The following E2F5 variants were observed in gnomAD, a reference collection of about 807,000 sequenced individuals.
E2F5 encodes the protein E2F transcription factor 5, also known as transcription factor E2F5.
In E2F5, 23 loss-of-function variants were observed where a neutral mutation model predicts 39.1. The observed-to-expected ratio is 0.59, with a 90% CI of 0.42 to 0.83. The LOEUF (loss-of-function observed/expected upper bound fraction) is 0.83, where lower values mean the gene tolerates loss of function less well. Ranked by LOEUF, E2F5 falls within the 40% of genes least tolerant of loss-of-function variation. E2F5 has a pLI of 0.00. For missense variants in E2F5, 365 were observed against 406.7 expected (o/e 0.90, Z 0.88); for synonymous variants, 145 against 157.8 (o/e 0.92, Z 0.61).
chr8:85,207,621 T>A (rs1299416430), intron 5 of E2F5, 132 bp downstream of exon 5: 1 of 616,990 alleles, frequency 1.6e-6, no homozygotes, highest in Non-Finnish European at 2.7e-6. Context: ...TCTAAAAGTA[T>A]TGATAGCTGA....
At chr8:85,184,687 T>C (rs1232680677) in intron 1 of E2F5, among the ~76,000 whole-genome samples, 2 of 152,208 alleles carry the variant, frequency 1.3e-5, no homozygotes, top group Non-Finnish European at 2.9e-5. Flanking sequence ...ACAAAATCAA[T>C]GTGCAAAAAT....
Position 85,203,096 on chromosome 8 carries a change from G to C in E2F5, c.347G>C (p.Gly116Ala). The C allele has an allele frequency of 1.3e-6, 2 of 1,527,212 alleles. No homozygotes were observed. Among genetic ancestry groups the C allele is most frequent in the Middle Eastern group, 1.8e-4 (1 of 5,690 alleles). 94.6% of individuals were successfully genotyped at this position (1,527,212 alleles called of 1,614,324 possible). ...ATTAATTCTCATATGTTTTTAAGAG[G>C]TGTAGGTGCTGGCTGTAATACTAAA... ...KKSKNSIQWK[G>A]VGAGCNTKEV... Residue 116 changes from glycine to alanine, a missense_variant and splice_region_variant, in exon 3 of 8, where the codon GGT (glycine) becomes GCT (alanine). Transcript: ENST00000416274.
chr8:85,209,330 A>G lies in E2F5; in HGVS notation c.804A>G (p.Ala268=). 6.2e-7 allele frequency: 1 copy of G among 1,614,028 alleles called. No homozygotes were observed. Among genetic ancestry groups the G allele is most frequent in the African/African-American group, 1.3e-5 (1 of 75,060 alleles). ...TGACTCCACAGAAATCCAGCATGGC[A>G]ACTCAAAATCTGCCTGAGCAACATG... is the stretch of plus-strand genomic sequence containing the variant. ...TPVTPQKSSM[A]TQNLPEQHVS... is the part of the protein sequence containing the mutation. Residue 268 remains alanine (A), a synonymous_variant, in exon 6 of 8, where the codon GCA becomes GCG. Coordinates refer to ENST00000416274, the MANE Select transcript of E2F5 (RefSeq NM_001951.4).
chr8:85,188,025 AAAAC>A (rs997432818), intron 1 of E2F5, among the ~76,000 whole-genome samples: 9 of 152,312 alleles, frequency 5.9e-5, no homozygotes, highest in Admixed American at 1.3e-4. Flanking sequence ...TTTGATCGCA[AAAAC>A]AAACAAACAA....
At chr8:85,213,584 C>G in intron 7 of E2F5, 169 bp from the exon 8 acceptor site, 1 of 273,416 alleles carries the variant, frequency 3.7e-6, no homozygotes, top group Non-Finnish European at 6.9e-6. Context: ...TTCTGTTTCT[C>G]AATCTAATAT....
intron 1 of E2F5, among the ~76,000 whole-genome samples, chr8:85,181,149 C>T (rs1425018531): frequency 1.3e-5 from 2 of 152,116 alleles, no homozygotes; most frequent in African/African-American, 4.8e-5. Context: ...CTGTGAGCCA[C>T]CGCTTCCGGC....
At chr8:85,183,725 G>C (rs1812270615) in intron 1 of E2F5, among the ~76,000 whole-genome samples, 3 of 152,180 alleles carry the variant, frequency 2.0e-5, no homozygotes, top group African/African-American at 7.2e-5. Flanking sequence ...AAAGTAGAAG[G>C]GTGGTTACCA....
At chr8:85,206,925 T>C (rs1371646508) in intron 4 of E2F5, among the ~76,000 whole-genome samples, 2 of 152,318 alleles carry the variant, frequency 1.3e-5, no homozygotes, top group East Asian at 1.9e-4. Context: ...GGACTATTGT[T>C]CTATTTTACC....
intron 1 of E2F5, among the ~76,000 whole-genome samples, chr8:85,188,140 A>G (rs1388671767): frequency 6.6e-6 from 1 of 152,178 alleles, no homozygotes; most frequent in East Asian, 1.9e-4. Context: ...TCTATTGCTT[A>G]AAAATTATTG....
In E2F5 at chr8:85,203,129, T is replaced by C. The variant is rs1470941056; in HGVS notation, c.380T>C (p.Ile127Thr). 1.9e-6 allele frequency: 3 copies of C among 1,586,846 alleles called. No homozygotes were observed. ...VGAGCNTKEVIDRLRYLKAEI... is the reference protein window; with the variant it reads ...VGAGCNTKEVTDRLRYLKAEI... ...GCTGGCTGTAATACTAAAGAAGTCATAGATAGATTAAGATATCTTAAAGCT... is the reference window on the plus strand; with the variant it reads ...GCTGGCTGTAATACTAAAGAAGTCACAGATAGATTAAGATATCTTAAAGCT... Residue 127 changes from isoleucine to threonine, a missense_variant, in exon 3 of 8, where the codon ATA (isoleucine) becomes ACA (threonine). Coordinates refer to ENST00000416274, the MANE Select transcript of E2F5 (RefSeq NM_001951.4).
intron 1 of E2F5, among the ~76,000 whole-genome samples, chr8:85,182,309 C>T (rs1036331094): frequency 2.0e-5 from 3 of 152,166 alleles, no homozygotes; most frequent in East Asian, 1.9e-4. Flanking sequence ...GTGAACATTT[C>T]GGCAGAACAG....
At position 85,200,997 on chromosome 8, in the gene E2F5, G is replaced by T. The variant is rs185512137; in HGVS notation, c.235-1150G>T. Among the ~76,000 whole-genome samples the T allele has an allele frequency of 3.2e-3, 491 of 152,270 alleles. 4 individuals carry two copies. Among genetic ancestry groups the T allele is most frequent in the Non-Finnish European group, 3.9e-3 (263 of 68,018 alleles). ...CTTCTTGAGGAAGACCTGAATGATG[G>T]GACAGCAGTAACCTGGGGGTTTTGG... On this transcript the variant is annotated intron_variant, in intron 1 of 7. Coordinates refer to ENST00000416274, the MANE Select transcript of E2F5 (RefSeq NM_001951.4).
rs766786182 is a variant in E2F5 at position 85,209,324 on chromosome 8, C to G, written c.798C>G (p.Ser266Arg). The change falls in exon 6 of 8, where the codon AGC becomes AGG. Residue 266 changes from serine to arginine, a missense_variant. Ser to Arg is a moderately radical substitution (Grantham distance 110). Transcript: ENST00000416274. ...SLTPVTPQKSSMATQNLPEQH... is the reference protein window; with the variant it reads ...SLTPVTPQKSRMATQNLPEQH... Reference sequence around the variant, plus strand: ...CTCCAGTGACTCCACAGAAATCCAGCATGGCAACTCAAAATCTGCCTGAGC... The same window carrying G: ...CTCCAGTGACTCCACAGAAATCCAGGATGGCAACTCAAAATCTGCCTGAGC... The G allele has an allele frequency of 6.2e-7, 1 of 1,614,040 alleles. No homozygotes were observed. The highest frequency in any genetic ancestry group is 1.1e-5 in the South Asian group (1 of 91,084).
In E2F5 at chr8:85,209,101, G is replaced by C. The variant is rs563207022; in HGVS notation, c.616-41G>C. On this transcript the variant is annotated intron_variant, in intron 5 of 7. Transcript: ENST00000416274. ...GTACTGTCTTAAGTTAGCTAGAAAT[G>C]TTAATAATTATACATTTGTTTATAC... 636 of 1,589,112 alleles carry C rather than the reference G, an allele frequency of 4.0e-4. 10 individuals carry two copies. The South Asian group carries it at 6.9e-3, about 17-fold the overall frequency.
chr8:85,209,462 G>A, intron 6 of E2F5, 53 bp downstream of exon 6: 1 of 1,519,190 alleles, frequency 6.6e-7, no homozygotes, highest in South Asian at 1.3e-5. Flanking sequence ...TATAAAAACA[G>A]GTTGGCTCTC....
intron 1 of E2F5, among the ~76,000 whole-genome samples, chr8:85,200,741 A>G (rs1231712180): frequency 6.6e-6 from 1 of 152,220 alleles, no homozygotes; most frequent in Non-Finnish European, 1.5e-5. Context: ...AACAGCCTCG[A>G]AGTCAAGAGT....
intron 1 of E2F5, among the ~76,000 whole-genome samples, chr8:85,199,269 CA>C (rs1812642768): frequency 6.6e-6 from 1 of 152,088 alleles, no homozygotes; most frequent in Admixed American, 6.6e-5. Flanking sequence ...TTCCTCTGCC[CA>C]GAATGCTCTA....
chr8:85,188,776 G>A (rs1812399325), intron 1 of E2F5, among the ~76,000 whole-genome samples: 1 of 152,172 alleles, frequency 6.6e-6, no homozygotes, highest in Non-Finnish European at 1.5e-5. Context: ...TCTCACCAGT[G>A]TTAGGTTTTA....
intron 5 of E2F5, among the ~76,000 whole-genome samples, chr8:85,208,283 G>A (rs1349833941): frequency 3.3e-5 from 5 of 152,168 alleles, no homozygotes; most frequent in Non-Finnish European, 2.9e-5. Flanking sequence ...AGCCGAAATC[G>A]CGCCATTGCA....
Sources: gnomAD v4.1 joint callset for allele counts (sites outside exome capture counted in the v4.1 genomes callset) on GRCh38, gnomAD v4.1.1 for gene constraint, MANE v1.5 for transcripts, NCBI Gene and HGNC (gene_info 2026-07-23, HGNC 2026-07-21) for gene names.